Variants in RGCC observed in about 807,000 individuals in gnomAD.
The protein encoded by RGCC is regulator of cell cycle.
RGCC carries 15 observed loss-of-function variants against 15.4 expected under a neutral mutation model. The observed-to-expected ratio is 0.97, with a 90% CI of 0.65 to 1.50. The LOEUF (loss-of-function observed/expected upper bound fraction) is 1.50, where lower values mean the gene tolerates loss of function less well. Among genes scored for constraint, RGCC ranks in the 40% most tolerant of loss-of-function variants. The pLI is 0.00. For missense variants in RGCC, 176 were observed against 189.7 expected (o/e 0.93, Z 0.42); for synonymous variants, 81 against 78.0 (o/e 1.04, Z -0.20).
At chr13:41,459,006 G>A (rs756511861) in intron 2 of RGCC, among the ~76,000 whole-genome samples, 9 of 152,152 alleles carry the variant, frequency 5.9e-5, no homozygotes, top group Non-Finnish European at 1.0e-4. Flanking sequence ...ATGCAGTTAT[G>A]AAAATCTTTG....
chr13:41,464,301 T>A (rs760240259), intron 2 of RGCC: 1 of 152,682 alleles, frequency 6.5e-6, no homozygotes, highest in Non-Finnish European at 1.5e-5. Context: ...TTTTGCCTTA[T>A]CTTCTCCCCA....
In RGCC at chr13:41,457,572, G is replaced by T; in HGVS notation, c.-136G>T. On this transcript the variant is annotated 5_prime_UTR_variant, in exon 1 of 5. Transcript: ENST00000379359. The surrounding 1 kb of genome is among the most constrained non-coding windows in gnomAD (Gnocchi z 4.9). The stretch of plus-strand genomic sequence containing the variant: ...GGTAGGGCGGGCGCGGACCGTGCTG[G>T]GAGCGGCGCGGCTGGAGCGCAGCGC... The T allele has an allele frequency of 7.3e-7, 1 of 1,377,448 alleles. No homozygotes were observed. 85.3% of individuals were successfully genotyped at this position (1,377,448 alleles called of 1,614,324 possible). A position where few individuals can be genotyped will look rare whatever the true frequency, so the allele number is the denominator to read the frequency against.
In RGCC at chr13:41,458,033, G is replaced by A. The variant is rs2043801378; in HGVS notation, c.50-252G>A. Among the ~76,000 whole-genome samples the A allele has an allele frequency of 6.6e-6, 1 of 152,196 alleles. No homozygotes were observed. The highest frequency in any genetic ancestry group is 2.4e-5 in the African/African-American group (1 of 41,450). ...GCAGCGCCTGGGGAGGAATCTGGCC[G>A]CGCCAAGTCGCTGGGTGACCCTGGG... On this transcript the variant is annotated intron_variant, in intron 1 of 4. Transcript: ENST00000379359. This position sits in a 1 kb window ranked among gnomAD's most constrained non-coding sequence, Gnocchi z 4.4.
intron 4 of RGCC, among the ~76,000 whole-genome samples, chr13:41,469,295 T>TAATAATAAGAAGAAGAAGAAGAAG (rs869157194): frequency 4.6e-5 from 4 of 86,744 alleles, no homozygotes; most frequent in African/African-American, 1.5e-4. Flanking sequence ...ATAATAATAA[T>TAATAATAAGAAGAAGAAGAAGAAG]AAGAAGAAGA....
At position 41,466,828 on chromosome 13, in the gene RGCC, G is replaced by T; in HGVS notation, c.241G>T (p.Asp81Tyr). The change falls in exon 3 of 5, where the codon GAT becomes TAT. Residue 81 changes from aspartate to tyrosine, a missense_variant. By Grantham distance (160) the Asp-to-Tyr change is radical. Transcript: ENST00000379359. ...SSGFSDSESA[D>Y]SLYRNSFSFS... Reference sequence around the variant, plus strand: ...TATATTTTCCTTCCTGAAAGGTGCAGATTCACTTTATAGGAACAGCTTCAG... The same window carrying T: ...TATATTTTCCTTCCTGAAAGGTGCATATTCACTTTATAGGAACAGCTTCAG... 6.2e-7 allele frequency: 1 copy of T among 1,610,256 alleles called. No individual in the cohort carries two copies. Among genetic ancestry groups the T allele is most frequent in the South Asian group, 1.1e-5 (1 of 91,000 alleles).
intron 2 of RGCC, among the ~76,000 whole-genome samples, chr13:41,463,031 C>A (rs962790605): frequency 2.6e-5 from 4 of 152,148 alleles, no homozygotes; most frequent in Non-Finnish European, 4.4e-5. Flanking sequence ...CTCAGGAGTG[C>A]TATTCTGCAC....
At chr13:41,460,248 G>A (rs567846950) in intron 2 of RGCC, among the ~76,000 whole-genome samples, 1 of 152,260 alleles carries the variant, frequency 6.6e-6, no homozygotes, top group South Asian at 2.1e-4. Flanking sequence ...AAATATTGTT[G>A]GCAGAAGCTG....
In RGCC at chr13:41,462,238, C is replaced by T. The variant is rs576145750; in HGVS notation, c.235+3768C>T. Among the ~76,000 whole-genome samples the T allele has an allele frequency of 3.3e-5, 5 of 152,186 alleles. No individual in the cohort carries two copies. In the South Asian group the frequency reaches 1.0e-3, roughly 32 times the overall value. On this transcript the variant is annotated intron_variant, in intron 2 of 4. Coordinates refer to ENST00000379359, the MANE Select transcript of RGCC (RefSeq NM_014059.3). ...AGGTTTACTGTCTGTGGTTTTACTT[C>T]CCCCTGGAGCAGCACGTTGACATGC...
Position 41,470,560 on chromosome 13 carries a change from C to G in RGCC, c.*75C>G. On this transcript the variant is annotated 3_prime_UTR_variant, in exon 5 of 5. Coordinates refer to ENST00000379359, the MANE Select transcript of RGCC (RefSeq NM_014059.3). ...TCCGAGGACCTGCTAAAATCAGCTA[C>G]TAGAATCTGCTGCCAGAGGGGACAA... 1 of 1,425,408 alleles carries G rather than the reference C, an allele frequency of 7.0e-7. No individual in the cohort carries two copies. The allele number at this position is 1,425,408 out of a possible 1,614,324, so 88.3% of individuals were successfully genotyped here.
chr13:41,457,602 G>T lies in RGCC; in HGVS notation c.-106G>T. ...GGCGCGGCTGGAGCGCAGCGCCGAA[G>T]GGACTGGCAGGGCTGAAGTGTGCGG... On this transcript the variant is annotated 5_prime_UTR_variant, in exon 1 of 5. In the 5' UTR this introduces an upstream ATG that the reference lacks. Transcript: ENST00000379359. The surrounding 1 kb of genome is among the most constrained non-coding windows in gnomAD (Gnocchi z 4.9). The T allele has an allele frequency of 6.9e-7, 1 of 1,452,766 alleles. No homozygotes were observed. Among genetic ancestry groups the T allele is most frequent in the South Asian group, 1.4e-5 (1 of 73,880 alleles). 90.0% of individuals were successfully genotyped at this position (1,452,766 alleles called of 1,614,324 possible).
At chr13:41,468,309 G>A (rs140354902) in intron 3 of RGCC, among the ~76,000 whole-genome samples, 37 of 152,336 alleles carry the variant, frequency 2.4e-4, no homozygotes, top group African/African-American at 8.9e-4. Flanking sequence ...ACACAATCTA[G>A]GTGTCTGCTC....
At chr13:41,459,933 A>G (rs1293530572) in intron 2 of RGCC, among the ~76,000 whole-genome samples, 1 of 152,220 alleles carries the variant, frequency 6.6e-6, no homozygotes, top group African/African-American at 2.4e-5. Flanking sequence ...CTCTACTAGA[A>G]TAGGTCTGAG....
rs992459081 is a variant in RGCC at position 41,458,400 on chromosome 13, G to T, written c.165G>T (p.Glu55Asp). The T allele has an allele frequency of 1.2e-6, 2 of 1,600,524 alleles. No individual in the cohort carries two copies. The highest frequency in any genetic ancestry group is 2.2e-5 in the East Asian group (1 of 44,700). The change falls in exon 2 of 5, where the codon GAG (glutamate) becomes GAT (aspartate). Residue 55 changes from glutamate to aspartate, a missense_variant. Physicochemically the swap from Glu to Asp is conservative, Grantham distance 45. Coordinates refer to ENST00000379359, the MANE Select transcript of RGCC (RefSeq NM_014059.3). This position sits in a 1 kb window ranked among gnomAD's most constrained non-coding sequence, Gnocchi z 4.4. ...PFHERHFHYE[E>D]HLERMKRRSS... ...ACGAGCGCCACTTCCACTACGAGGA[G>T]CACCTGGAGCGCATGAAGCGGCGCA...
At chr13:41,466,965 T>C (rs771791110) in intron 3 of RGCC, 35 bp downstream of exon 3, 2 of 1,341,200 alleles carry the variant, frequency 1.5e-6, no homozygotes. Context: ...GTTTTTTGCT[T>C]TTTTATTCCT....
At position 41,457,771 on chromosome 13, in the gene RGCC, C is replaced by A; in HGVS notation, c.49+15C>A. The stretch of plus-strand genomic sequence containing the variant: ...CGCGGCCGCAGGTGAGTGCGGGGTC[C>A]GGGGTCCCCTTAAAGTCTCGGCTCT... On this transcript the variant is annotated intron_variant, in intron 1 of 4. Coordinates refer to ENST00000379359, the MANE Select transcript of RGCC (RefSeq NM_014059.3). This position sits in a 1 kb window ranked among gnomAD's most constrained non-coding sequence, Gnocchi z 4.9. 5 of 1,380,864 alleles carry A rather than the reference C, an allele frequency of 3.6e-6. No homozygotes were observed. Among genetic ancestry groups the A allele is most frequent in the Non-Finnish European group, 4.7e-6 (5 of 1,071,644 alleles). 85.5% of individuals were successfully genotyped at this position (1,380,864 alleles called of 1,614,324 possible).
At chr13:41,469,589 C>A (rs1214709274) in intron 4 of RGCC, among the ~76,000 whole-genome samples, 9 of 152,058 alleles carry the variant, frequency 5.9e-5, no homozygotes, top group African/African-American at 2.2e-4. Flanking sequence ...GGTAATTTTC[C>A]CAGGTTAGAT....
intron 2 of RGCC, among the ~76,000 whole-genome samples, chr13:41,462,355 A>G (rs1486443647): frequency 6.6e-6 from 1 of 152,188 alleles, no homozygotes; most frequent in African/African-American, 2.4e-5. Flanking sequence ...AGTGTTTCTC[A>G]GACTCTGTTA....
intron 3 of RGCC, 88 bp from the exon 4 acceptor site, chr13:41,468,688 C>A: frequency 1.0e-6 from 1 of 988,900 alleles, no homozygotes; most frequent in South Asian, 1.4e-5. Flanking sequence ...TTCCAACTTC[C>A]TGGAAAACTC....
In RGCC at chr13:41,457,821, G is replaced by A. The variant is rs2043800152; in HGVS notation, c.49+65G>A. The A allele has an allele frequency of 1.5e-6, 2 of 1,351,006 alleles. No homozygotes were observed. The highest frequency in any genetic ancestry group is 8.1e-5 in the Admixed American group (2 of 24,750). The allele number at this position is 1,351,006 out of a possible 1,614,324, so 83.7% of individuals were successfully genotyped here. A position where few individuals can be genotyped will look rare whatever the true frequency, so the allele number is the denominator to read the frequency against. On this transcript the variant is annotated intron_variant, in intron 1 of 4. Transcript: ENST00000379359. This position sits in a 1 kb window ranked among gnomAD's most constrained non-coding sequence, Gnocchi z 4.9. ...TGCAGATGGCGGGTGAGAAAGGAGG[G>A]GCCCCGTGTCGTCCCTTCACACCCC...
Sources: allele counts gnomAD v4.1 joint callset (sites outside exome capture counted in the v4.1 genomes callset), GRCh38; gene constraint gnomAD v4.1.1; non-coding constraint Gnocchi (gnomAD v3.1); transcripts MANE v1.5; gene names NCBI Gene and HGNC (gene_info 2026-07-23, HGNC 2026-07-21).